Variants in LARP4B observed in about 807,000 individuals in gnomAD.
LARP4B encodes La ribonucleoprotein 4B, also known as la-related protein 4B.
Under a neutral mutation model 89.8 loss-of-function variants are expected in LARP4B, and 12 were observed. The observed-to-expected ratio is 0.13, with a 90% CI of 0.09 to 0.22. LARP4B has a LOEUF of 0.22. LARP4B is among the 10% of genes least tolerant of loss of function. The pLI is 1.00. For synonymous variants in LARP4B, 367 were observed against 363.3 expected, an observed-to-expected ratio of 1.01 and a Z score of -0.12; for missense variants, 757 against 947.7, an observed-to-expected ratio of 0.80 and a Z score of 2.64.
chr10:866,409 T>A (rs1834898591), intron 3 of LARP4B, among the ~76,000 whole-genome samples: 1 of 152,236 alleles, frequency 6.6e-6, no homozygotes, highest in Non-Finnish European at 1.5e-5. Context: ...TTCACCAGCA[T>A]GCTTGTGCCA....
In LARP4B at chr10:863,736, T is replaced by TA; in HGVS notation, c.430+6_430+7insT. The TA allele has an allele frequency of 6.3e-7, 1 of 1,595,462 alleles. No individual in the cohort carries two copies. Among genetic ancestry groups the TA allele is most frequent in the Non-Finnish European group, 8.5e-7 (1 of 1,172,400 alleles). ...CCTGGGAAAATGCACCCATAAGATA[T>TA]GTTTACCTGTCTCGCTATTTTCAGG... On this transcript the variant is annotated splice_region_variant and intron_variant, in intron 5 of 17. Transcript: ENST00000316157.
At chr10:844,942 A>G (rs1325577065) in intron 6 of LARP4B, 35 bp downstream of exon 6, 1 of 1,477,610 alleles carries the variant, frequency 6.8e-7, no homozygotes, top group Non-Finnish European at 9.4e-7. Flanking sequence ...AATACTAGAA[A>G]TATCAGGTAC....
chr10:846,580 G>A (rs1833787435), intron 5 of LARP4B, among the ~76,000 whole-genome samples: 3 of 152,216 alleles, frequency 2.0e-5, no homozygotes, highest in Admixed American at 2.0e-4. Context: ...AGTAAGAAAT[G>A]AGGTCACAGA....
chr10:911,838 CT>C (rs1196453055), intron 1 of LARP4B, among the ~76,000 whole-genome samples: 1 of 152,204 alleles, frequency 6.6e-6, no homozygotes, highest in Admixed American at 6.5e-5. Flanking sequence ...GAGACCCTGA[CT>C]TTTGTGTGTG....
At position 814,399 on chromosome 10, in the gene LARP4B, G is replaced by GCGCA. The variant is rs1759762098; in HGVS notation, c.1929+339_1929+342dup. ...TCTCTTCATCAGACACACGATGCGC[G>GCGCA]CGCACGCACGCAAACATACACACAC... On this transcript the variant is annotated intron_variant, in intron 17 of 17. Coordinates refer to ENST00000316157, the MANE Select transcript of LARP4B (RefSeq NM_015155.3). This position sits in a 1 kb window ranked among gnomAD's most constrained non-coding sequence, Gnocchi z 4.4. 2 of 372,346 alleles carry GCGCA rather than the reference G, an allele frequency of 5.4e-6. No homozygotes were observed. The highest frequency in any genetic ancestry group is 2.2e-5 in the South Asian group (1 of 45,868). The allele number at this position is 372,346 out of a possible 1,614,324, so 23.1% of individuals were successfully genotyped here. A position where few individuals can be genotyped will look rare whatever the true frequency, so the allele number is the denominator to read the frequency against.
chr10:847,584 T>C (rs1833838841), intron 5 of LARP4B, among the ~76,000 whole-genome samples: 1 of 151,906 alleles, frequency 6.6e-6, no homozygotes, highest in South Asian at 2.1e-4. Context: ...AGTAGCGCGA[T>C]CTTGCAACCT....
At chr10:874,760 T>TA (rs1475952562) in intron 3 of LARP4B, among the ~76,000 whole-genome samples, 1 of 152,190 alleles carries the variant, frequency 6.6e-6, no homozygotes, top group African/African-American at 2.4e-5. Flanking sequence ...ATTTTTATGA[T>TA]AAAAAGTTTA....
At chr10:848,991 T>G (rs191114797) in intron 5 of LARP4B, among the ~76,000 whole-genome samples, 62 of 152,340 alleles carry the variant, frequency 4.1e-4, no homozygotes, top group African/African-American at 1.2e-3. Context: ...AAAGGCATGA[T>G]GACCAAAGCA....
chr10:894,455 A>C (rs2131965342), intron 1 of LARP4B, among the ~76,000 whole-genome samples: 1 of 152,364 alleles, frequency 6.6e-6, no homozygotes, highest in Admixed American at 6.5e-5. Flanking sequence ...AAAAGCCTTA[A>C]CCAAAATAAT....
At chr10:987,832 G>C in the LARP4B span, 2 of 152,524 alleles carry the variant, frequency 1.3e-5, no homozygotes, top group African/African-American at 4.8e-5. Context: ...TTTTGCCTTA[G>C]ATCAGGCTTT....
chr10:892,182 A>C (rs1836049190), intron 1 of LARP4B, among the ~76,000 whole-genome samples: 1 of 152,246 alleles, frequency 6.6e-6, no homozygotes, highest in South Asian at 2.1e-4. Context: ...GGCCTTACTG[A>C]ATTGGACAGG....
chr10:856,873 A>T (rs1271449713), intron 5 of LARP4B, among the ~76,000 whole-genome samples: 1 of 152,186 alleles, frequency 6.6e-6, no homozygotes, highest in African/African-American at 2.4e-5. Flanking sequence ...TCAGAGCAGA[A>T]CATACCTAGA....
intron 15 of LARP4B, among the ~76,000 whole-genome samples, chr10:816,204 G>C (rs1015201185): frequency 6.6e-6 from 1 of 152,234 alleles, no homozygotes; most frequent in Non-Finnish European, 1.5e-5. Context: ...ATTCCAGCCT[G>C]GGTGACAGAG....
intron 1 of LARP4B, among the ~76,000 whole-genome samples, chr10:895,672 CAAAAAAA>C (rs1312520352): frequency 1.6e-5 from 1 of 64,142 alleles, no homozygotes; most frequent in African/African-American, 6.1e-5. Context: ...GAGTCCATCT[CAAAAAAA>C]AAAAAAAAGA....
At chr10:972,413 A>G in the LARP4B span, 1 of 429,318 alleles carries the variant, frequency 2.3e-6, no homozygotes, top group Non-Finnish European at 4.6e-6. Context: ...CAGCCTCCAG[A>G]AACATGAGCC....
the LARP4B span, among the ~76,000 whole-genome samples, chr10:966,658 G>A: frequency 6.6e-6 from 1 of 152,216 alleles, no homozygotes; most frequent in Non-Finnish European, 1.5e-5. Context: ...TCGGGCGAAG[G>A]CAGGCCTGAA....
At chr10:943,554 T>C in the LARP4B span, among the ~76,000 whole-genome samples, 1 of 152,114 alleles carries the variant, frequency 6.6e-6, no homozygotes. Context: ...CTCATCCTTT[T>C]GAGTAGCTGG....
chr10:965,424 C>T, the LARP4B span, among the ~76,000 whole-genome samples: 477 of 152,154 alleles, frequency 3.1e-3, 3 homozygotes, highest in African/African-American at 0.011. Context: ...CTCAAAGACA[C>T]GGTGCCCGCT....
At chr10:827,656 A>G in intron 11 of LARP4B, among the ~76,000 whole-genome samples, 1 of 152,130 alleles carries the variant, frequency 6.6e-6, no homozygotes, top group Non-Finnish European at 1.5e-5. Flanking sequence ...TCAAGGCCAT[A>G]AGCTGACCCA....
Sources: gnomAD v4.1 joint callset for allele counts (sites outside exome capture counted in the v4.1 genomes callset) on GRCh38, gnomAD v4.1.1 for gene constraint, Gnocchi (gnomAD v3.1) non-coding constraint, MANE v1.5 for transcripts, NCBI Gene and HGNC (gene_info 2026-07-23, HGNC 2026-07-21) for gene names.